Variants in GCNT2 observed in about 807,000 individuals in gnomAD.
GCNT2 encodes glucosaminyl (N-acetyl) transferase 2 (I blood group), also known as N-acetyllactosaminide beta-1,6-N-acetylglucosaminyl-transferase.
GCNT2 carries 34 observed loss-of-function variants against 34.2 expected under a neutral mutation model. That is an observed-to-expected ratio of 1.00 (90% CI 0.76 to 1.32). GCNT2 has a LOEUF of 1.32. GCNT2 is among the 40% of genes most tolerant of loss of function. The pLI is 0.00. For missense variants in GCNT2, 584 were observed against 489.4 expected, an observed-to-expected ratio of 1.19 and a Z score of -1.82; for synonymous variants, 212 against 188.0, an observed-to-expected ratio of 1.13 and a Z score of -1.04.
intron 3 of GCNT2, chr6:10,555,808 C>G: frequency 1.0e-6 from 1 of 985,346 alleles, no homozygotes; most frequent in Non-Finnish European, 1.2e-6. Flanking sequence ...TTTGAGATGT[C>G]ACTTGTGTCA....
intron 3 of GCNT2, among the ~76,000 whole-genome samples, chr6:10,597,649 A>C (rs1268309853): frequency 6.6e-6 from 1 of 150,834 alleles, no homozygotes; most frequent in African/African-American, 2.4e-5. Flanking sequence ...TTTGTTAGAG[A>C]TGGGGTCTCA....
At chr6:10,586,879 A>T (rs1265896740) in intron 3 of GCNT2, 11 of 1,613,842 alleles carry the variant, frequency 6.8e-6, no homozygotes, top group Middle Eastern at 1.6e-4. Context: ...TATAGTCCTG[A>T]TGAGCATTTC....
chr6:10,535,405 T>G (rs1235140852), intron 3 of GCNT2, among the ~76,000 whole-genome samples: 1 of 152,194 alleles, frequency 6.6e-6, no homozygotes, highest in Non-Finnish European at 1.5e-5. Context: ...CCCACTTCCG[T>G]CTTTTACCCT....
At chr6:10,594,298 C>T (rs910228228) in intron 3 of GCNT2, among the ~76,000 whole-genome samples, 1 of 152,090 alleles carries the variant, frequency 6.6e-6, no homozygotes, top group Non-Finnish European at 1.5e-5. Context: ...CAGCAAATGC[C>T]GATTCTGTTC....
intron 3 of GCNT2, among the ~76,000 whole-genome samples, chr6:10,543,079 T>C (rs1183571960): frequency 6.6e-6 from 1 of 151,772 alleles, no homozygotes; most frequent in Admixed American, 6.6e-5. Flanking sequence ...GGCTAATTTT[T>C]ATATTTTTAG....
At chr6:10,589,040 GTGTA>G (rs1490951891) in intron 3 of GCNT2, among the ~76,000 whole-genome samples, 1 of 141,388 alleles carries the variant, frequency 7.1e-6, no homozygotes, top group Non-Finnish European at 1.5e-5. Context: ...TGCGTGGTAT[GTGTA>G]TGGTGTGTGT....
chr6:10,580,224 G>A (rs144844479), intron 3 of GCNT2, among the ~76,000 whole-genome samples: 1 of 152,090 alleles, frequency 6.6e-6, no homozygotes, highest in East Asian at 1.9e-4. Context: ...TGGAAAAGCT[G>A]GCAGCCCTGG....
intron 3 of GCNT2, among the ~76,000 whole-genome samples, chr6:10,616,295 C>T (rs1765758485): frequency 6.7e-6 from 1 of 149,730 alleles, no homozygotes; most frequent in Admixed American, 6.6e-5. Flanking sequence ...TGTTACCACT[C>T]ATATAGGCTG....
In GCNT2 at chr6:10,529,116, C is replaced by G. The variant is rs1166528693; in HGVS notation, c.205C>G (p.Leu69Val). 6 of 1,614,048 alleles carry G rather than the reference C, an allele frequency of 3.7e-6. No individual in the cohort carries two copies. The South Asian group carries it at 6.6e-5, about 18-fold the overall frequency. ...AACAGAAAATGCATTGAAAACTACCCTTGATGAAGCTACCTGCTATGAGTA... is the reference window on the plus strand; with the variant it reads ...AACAGAAAATGCATTGAAAACTACCGTTGATGAAGCTACCTGCTATGAGTA... ...YPTENALKTT[L>V]DEATCYEYMV... The change falls in exon 3 of 5, where the codon CTT becomes GTT. Residue 69 changes from leucine to valine, a missense_variant. Leu to Val is a conservative substitution (Grantham distance 32). Transcript: ENST00000495262.
intron 1 of GCNT2, 50 bp from the exon 2 acceptor site, chr6:10,527,424 T>G (rs1761250155): frequency 6.6e-6 from 1 of 152,186 alleles, no homozygotes; most frequent in Admixed American, 6.6e-5. Context: ...AAACTCCGTT[T>G]CAATAAATAA....
At chr6:10,547,396 C>G (rs911228481) in intron 3 of GCNT2, among the ~76,000 whole-genome samples, 3 of 152,332 alleles carry the variant, frequency 2.0e-5, no homozygotes, top group Middle Eastern at 6.8e-3. Flanking sequence ...CTTTGGCCAT[C>G]ATATCTCTTT....
intron 3 of GCNT2, chr6:10,586,876 C>T: frequency 6.2e-7 from 1 of 1,613,856 alleles, no homozygotes; most frequent in Non-Finnish European, 8.5e-7. Flanking sequence ...ACCTATAGTC[C>T]TGATGAGCAT....
At chr6:10,532,632 T>G (rs1464412422) in intron 3 of GCNT2, among the ~76,000 whole-genome samples, 1 of 152,124 alleles carries the variant, frequency 6.6e-6, no homozygotes, top group African/African-American at 2.4e-5. Flanking sequence ...CCCCCATGCC[T>G]GGCTAACTTT....
At chr6:10,544,978 A>AATG (rs1561789831) in intron 3 of GCNT2, among the ~76,000 whole-genome samples, 3 of 151,468 alleles carry the variant, frequency 2.0e-5, no homozygotes, top group African/African-American at 7.3e-5. Context: ...ATAAATAAAT[A>AATG]AATGAGGTGG....
In GCNT2 at chr6:10,530,832, A is replaced by T. The variant is rs555771875; in HGVS notation, c.925+996A>T. Among the ~76,000 whole-genome samples, 9 of 152,200 alleles carry T rather than the reference A, an allele frequency of 5.9e-5. No individual in the cohort carries two copies. The East Asian group carries it at 1.7e-3, about 29-fold the overall frequency. On this transcript the variant is annotated intron_variant, in intron 3 of 4. Coordinates refer to ENST00000495262, the MANE Select transcript of GCNT2 (RefSeq NM_145649.5). ...CACTTTGGGAGGCTGAAGTGGGCGG[A>T]TCACAAGGTCAGGAGTTCGAGACCA...
At chr6:10,617,901 C>T (rs747505787) in intron 3 of GCNT2, among the ~76,000 whole-genome samples, 11 of 151,934 alleles carry the variant, frequency 7.2e-5, no homozygotes, top group East Asian at 1.9e-4. Context: ...ACTACAGGTG[C>T]GTGCCATCAC....
At chr6:10,522,740 T>C (rs1760978928) in intron 1 of GCNT2, among the ~76,000 whole-genome samples, 1 of 152,222 alleles carries the variant, frequency 6.6e-6, no homozygotes, top group African/African-American at 2.4e-5. Flanking sequence ...TTCAAAATCC[T>C]ATCAAGGACT....
chr6:10,585,032 A>AGTGTGTGTGTGT (rs57538079), intron 3 of GCNT2, among the ~76,000 whole-genome samples: 20 of 127,530 alleles, frequency 1.6e-4, no homozygotes, highest in East Asian at 6.7e-4. Flanking sequence ...TCCCATAGTC[A>AGTGTGTGTGTGT]GTGTGTGTGT....
chr6:10,526,638 G>C (rs1294771050), intron 1 of GCNT2, among the ~76,000 whole-genome samples: 1 of 152,052 alleles, frequency 6.6e-6, no homozygotes, highest in Non-Finnish European at 1.5e-5. Context: ...TCCTGGCCTC[G>C]AGCTCCTCCC....
Sources: allele counts gnomAD v4.1 joint callset (sites outside exome capture counted in the v4.1 genomes callset), GRCh38; gene constraint gnomAD v4.1.1; transcripts MANE v1.5; gene names NCBI Gene and HGNC (gene_info 2026-07-23, HGNC 2026-07-21).